TACR1: variants seen among roughly 807,000 people sequenced by gnomAD.
TACR1 encodes the protein tachykinin receptor 1, also known as substance-P receptor.
Under a neutral mutation model 35.8 loss-of-function variants are expected in TACR1, and 25 were observed. The observed-to-expected ratio is 0.70, with a 90% CI of 0.51 to 0.98. TACR1 has a LOEUF of 0.98. TACR1 is among the 50% of genes least tolerant of loss of function. The probability of loss-of-function intolerance (pLI) is 0.00; values close to 1 mark genes in which losing one functional copy is unlikely to be tolerated. For synonymous variants in TACR1, 195 were observed against 206.7 expected (o/e 0.94, Z 0.48); for missense variants, 478 against 522.9 (o/e 0.91, Z 0.84).
intron 3 of TACR1, among the ~76,000 whole-genome samples, chr2:75,053,084 A>G (rs757713251): frequency 6.6e-6 from 1 of 152,042 alleles, no homozygotes; most frequent in African/African-American, 2.4e-5. Context: ...ATGAAATTTC[A>G]TCACAGGTAT....
chr2:75,151,213 G>A (rs941983966), intron 1 of TACR1, among the ~76,000 whole-genome samples: 6 of 152,240 alleles, frequency 3.9e-5, no homozygotes, highest in African/African-American at 1.4e-4. Flanking sequence ...GTTTGCATAA[G>A]TAGCAGGGAG....
intron 2 of TACR1, among the ~76,000 whole-genome samples, chr2:75,059,654 T>A (rs1672633597): frequency 1.3e-5 from 2 of 152,226 alleles, no homozygotes; most frequent in African/African-American, 4.8e-5. Context: ...CACGTAGCTT[T>A]CACACTTTAT....
intron 1 of TACR1, among the ~76,000 whole-genome samples, chr2:75,168,995 C>T (rs1227971623): frequency 1.3e-5 from 2 of 152,138 alleles, no homozygotes; most frequent in Non-Finnish European, 2.9e-5. Flanking sequence ...CTTTAATCTA[C>T]ATTTCTCTAA....
chr2:75,097,042 G>A (rs973946823), intron 2 of TACR1, among the ~76,000 whole-genome samples: 2 of 152,146 alleles, frequency 1.3e-5, no homozygotes, highest in African/African-American at 4.8e-5. Context: ...CATTACTATA[G>A]CATGTTGCCT....
chr2:75,181,673 T>G (rs976827699), intron 1 of TACR1, among the ~76,000 whole-genome samples: 3 of 152,208 alleles, frequency 2.0e-5, no homozygotes, highest in African/African-American at 7.2e-5. Context: ...GGGGTGGTAA[T>G]GAATTACCAT....
intron 2 of TACR1, among the ~76,000 whole-genome samples, chr2:75,083,609 T>G (rs562677792): frequency 0.017 from 2,571 of 152,260 alleles, 34 homozygotes; most frequent in South Asian, 0.03. Flanking sequence ...CCTTGAGCAG[T>G]GGTTTGTAGT....
At chr2:75,114,364 T>A (rs1459748323) in intron 2 of TACR1, among the ~76,000 whole-genome samples, 1 of 152,188 alleles carries the variant, frequency 6.6e-6, no homozygotes, top group Non-Finnish European at 1.5e-5. Context: ...CTAAATCTCA[T>A]TTTTTTGGAT....
chr2:75,161,260 C>G (rs1675003039), intron 1 of TACR1, among the ~76,000 whole-genome samples: 1 of 151,998 alleles, frequency 6.6e-6, no homozygotes, highest in Non-Finnish European at 1.5e-5. Flanking sequence ...TATGGCAAAT[C>G]TTGCAAACAT....
chr2:75,121,272 A>T (rs1415603011), intron 1 of TACR1, among the ~76,000 whole-genome samples: 1 of 152,208 alleles, frequency 6.6e-6, no homozygotes, highest in Non-Finnish European at 1.5e-5. Context: ...GTGACAAAGC[A>T]TTGGCCTAAA....
At chr2:75,128,114 G>A (rs1456770133) in intron 1 of TACR1, among the ~76,000 whole-genome samples, 1 of 152,184 alleles carries the variant, frequency 6.6e-6, no homozygotes. Context: ...TACACAACTG[G>A]TAAAAGTTTG....
intron 2 of TACR1, among the ~76,000 whole-genome samples, chr2:75,098,816 T>C (rs927469537): frequency 6.6e-6 from 1 of 152,228 alleles, no homozygotes; most frequent in Non-Finnish European, 1.5e-5. Context: ...CTGTCAATAC[T>C]TGAAATTTTA....
intron 1 of TACR1, among the ~76,000 whole-genome samples, chr2:75,138,451 C>T (rs1674340212): frequency 6.6e-6 from 1 of 152,180 alleles, no homozygotes; most frequent in African/African-American, 2.4e-5. Context: ...GTGGTGGTTA[C>T]TCAAGTATTA....
At chr2:75,117,417 G>A (rs1021331956) in intron 2 of TACR1, among the ~76,000 whole-genome samples, 3 of 152,138 alleles carry the variant, frequency 2.0e-5, no homozygotes, top group Non-Finnish European at 2.9e-5. Context: ...TTGGGTCTAA[G>A]CATCTTCCCA....
intron 1 of TACR1, chr2:75,189,227 G>A (rs1212054116): frequency 6.6e-6 from 1 of 152,216 alleles, no homozygotes; most frequent in African/African-American, 2.4e-5. Context: ...ACTCCACTGT[G>A]AGAGGGGCTC....
intron 2 of TACR1, among the ~76,000 whole-genome samples, chr2:75,068,823 C>T (rs2103811021): frequency 6.6e-6 from 1 of 152,254 alleles, no homozygotes; most frequent in Non-Finnish European, 1.5e-5. Flanking sequence ...CCCAAGAATT[C>T]TCCATTGTAG....
At chr2:75,111,157 T>G (rs1039631992) in intron 2 of TACR1, among the ~76,000 whole-genome samples, 28 of 152,010 alleles carry the variant, frequency 1.8e-4, no homozygotes, top group Admixed American at 1.2e-3. Context: ...TCATGGAGTT[T>G]CCTGATATAT....
At position 75,170,705 on chromosome 2, in the gene TACR1, G is replaced by A. The variant is rs562462401; in HGVS notation, c.389+27841C>T. On this transcript the variant is annotated intron_variant, in intron 1 of 4. Transcript: ENST00000305249. ...TCAGATGGAGATGAGGAACTTGCTG[G>A]GAACTGGAGCAAAGGTGGCTCTTAT... 1.3e-4 allele frequency among the ~76,000 whole-genome samples: 20 copies of A among 152,300 alleles called. No homozygotes were observed. The Middle Eastern group carries it at 0.014, about 104-fold the overall frequency.
At chr2:75,115,335 G>C (rs1296796928) in intron 2 of TACR1, among the ~76,000 whole-genome samples, 1 of 152,096 alleles carries the variant, frequency 6.6e-6, no homozygotes, top group Non-Finnish European at 1.5e-5. Flanking sequence ...AAAGCTTGAT[G>C]ATATACTTTG....
At chr2:75,053,897 C>A in intron 2 of TACR1, 142 bp from the exon 3 acceptor site, 4 of 1,071,692 alleles carry the variant, frequency 3.7e-6, no homozygotes, top group Non-Finnish European at 5.4e-6. Flanking sequence ...GTAAAGCCCA[C>A]TCCAGGGAGA....
Sources: allele counts gnomAD v4.1 joint callset (sites outside exome capture counted in the v4.1 genomes callset), GRCh38; gene constraint gnomAD v4.1.1; transcripts MANE v1.5; gene names NCBI Gene and HGNC (gene_info 2026-07-23, HGNC 2026-07-21).